Variants in MTA1 observed in about 807,000 individuals in gnomAD.
The protein encoded by MTA1 is metastasis associated 1, also known as metastasis-associated protein MTA1.
Under a neutral mutation model 97.0 loss-of-function variants are expected in MTA1, and 15 were observed. The observed-to-expected ratio is 0.15, with a 90% CI of 0.10 to 0.24. MTA1 has a LOEUF of 0.24. Ranked by LOEUF, MTA1 falls within the 10% of genes least tolerant of loss-of-function variation. MTA1 has a pLI of 1.00. For synonymous variants in MTA1, 435 were observed against 417.5 expected (o/e 1.04, Z -0.51); for missense variants, 709 against 1,015.1 (o/e 0.70, Z 4.10).
At chr14:105,450,468 C>T (rs1447627307) in intron 6 of MTA1, 144 bp downstream of exon 6, 19 of 922,508 alleles carry the variant, frequency 2.1e-5, no homozygotes, top group Admixed American at 2.9e-5. Flanking sequence ...GCGGGGATTG[C>T]GTCCTGACTG....
At chr14:105,466,344 C>T in intron 16 of MTA1, 82 bp from the exon 17 acceptor site, 1 of 1,300,350 alleles carries the variant, frequency 7.7e-7, no homozygotes, top group Non-Finnish European at 1.1e-6. Flanking sequence ...TATCCCGGAA[C>T]CATGAGGGCT....
At chr14:105,468,443 C>A (rs1350441084) in intron 18 of MTA1, 1 of 1,179,144 alleles carries the variant, frequency 8.5e-7, no homozygotes, top group Admixed American at 2.3e-5. Context: ...TTGGGAGCGC[C>A]GCAGATCAGG....
chr14:105,469,926 A>G lies in MTA1; in HGVS notation c.1931A>G (p.Lys644Arg), dbSNP rs782192896. ...LIRGGSLPPVKRRRMNWIDAP... is the reference protein window; with the variant it reads ...LIRGGSLPPVRRRRMNWIDAP... ...CGGGGGGGCTCCCTGCCCCCAGTCA[A>G]GCGGCGGCGGATGAACTGGATCGAC... The change falls in exon 20 of 21, where the codon AAG (lysine) becomes AGG (arginine). Residue 644 changes from lysine to arginine, a missense_variant. Lys to Arg is a conservative substitution (Grantham distance 26, BLOSUM62 2). Around this residue, in one of 2 missense-constraint regions of MTA1, gnomAD observed 388 missense variants for 421.6 expected, o/e 0.92. Transcript: ENST00000331320. 2.5e-6 allele frequency: 4 copies of G among 1,612,240 alleles called. No individual in the cohort carries two copies. The South Asian group carries it at 4.4e-5, about 18-fold the overall frequency.
Position 105,424,183 on chromosome 14 carries a change from A to G in MTA1, c.28+4120A>G, listed in dbSNP as rs1036996631. Among the ~76,000 whole-genome samples, 1 of 151,974 alleles carries G rather than the reference A, an allele frequency of 6.6e-6. No individual in the cohort carries two copies. Among genetic ancestry groups the G allele is most frequent in the Admixed American group, 6.6e-5 (1 of 15,258 alleles). The stretch of plus-strand genomic sequence containing the variant: ...GCTTCTCCTGCCTCAGCCACTGAGC[A>G]CTCCTGGCTTGCTCCACCTTTGTTT... On this transcript the variant is annotated intron_variant, in intron 1 of 20. Transcript: ENST00000331320. The surrounding 1 kb of genome is among the most constrained non-coding windows in gnomAD (Gnocchi z 4.0).
rs2081864244 is a variant in MTA1, at chr14:105,422,249, C to T, written c.28+2186C>T. 6.6e-6 allele frequency among the ~76,000 whole-genome samples: 1 copy of T among 152,140 alleles called. No individual in the cohort carries two copies. The highest frequency in any genetic ancestry group is 2.1e-4 in the South Asian group (1 of 4,818). ...GGCTTCTGGACCGGAACCCTGGGTT[C>T]CGGCAGGACCCCGGCAGAGCCCTGT... On this transcript the variant is annotated intron_variant, in intron 1 of 20. Transcript: ENST00000331320. This position sits in a 1 kb window ranked among gnomAD's most constrained non-coding sequence, Gnocchi z 4.3.
chr14:105,430,736 C>G (rs914227646), intron 1 of MTA1, among the ~76,000 whole-genome samples: 1 of 152,080 alleles, frequency 6.6e-6, no homozygotes, highest in Non-Finnish European at 1.5e-5. Flanking sequence ...CAAACTGGCC[C>G]GCTGCCTGTT....
At chr14:105,423,215 A>ATTTTTTTTTT (rs1166908446) in intron 1 of MTA1, among the ~76,000 whole-genome samples, 2 of 113,580 alleles carry the variant, frequency 1.8e-5, no homozygotes, top group African/African-American at 7.3e-5. Context: ...TTTTTGTTTA[A>ATTTTTTTTTT]TTTTTTTTTT....
At chr14:105,449,437 G>T (rs375504230) in intron 4 of MTA1, 28 bp downstream of exon 4, 19 of 1,606,440 alleles carry the variant, frequency 1.2e-5, no homozygotes, top group East Asian at 2.2e-5. Flanking sequence ...CAAGGAGGGC[G>T]TCCTCCTGTC....
chr14:105,441,618 C>T (rs912989828), intron 2 of MTA1, among the ~76,000 whole-genome samples: 2 of 152,130 alleles, frequency 1.3e-5, no homozygotes, highest in African/African-American at 2.4e-5. Context: ...TACGGTGAAA[C>T]TCCGTCTCTA....
At chr14:105,466,942 C>T in intron 18 of MTA1, 200 bp downstream of exon 18, 2 of 606,822 alleles carry the variant, frequency 3.3e-6, no homozygotes, top group African/African-American at 1.9e-5. Context: ...AGGCATCTGG[C>T]CCTCGGCCCC....
chr14:105,465,912 C>T (rs377203165), intron 16 of MTA1: 3 of 168,080 alleles, frequency 1.8e-5, no homozygotes, highest in African/African-American at 4.8e-5. Flanking sequence ...CTCTGAGATT[C>T]AAGTGGCTTT....
chr14:105,464,339 G>C (rs1595413742), intron 13 of MTA1, 77 bp from the exon 14 acceptor site: 2 of 1,574,296 alleles, frequency 1.3e-6, no homozygotes, highest in Admixed American at 1.7e-5. Context: ...GGCGGCCGGC[G>C]TGGGGGTGGC....
chr14:105,432,050 T>G (rs929448684), intron 1 of MTA1, among the ~76,000 whole-genome samples: 1 of 152,126 alleles, frequency 6.6e-6, no homozygotes, highest in Non-Finnish European at 1.5e-5. Flanking sequence ...TTTAAAGAGA[T>G]AGAGTCTTGC....
At chr14:105,469,049 G>A (rs1342806430) in intron 18 of MTA1, 1 of 412,700 alleles carries the variant, frequency 2.4e-6, no homozygotes, top group African/African-American at 2.1e-5. Flanking sequence ...TTAGGAAAAA[G>A]CCCGGCCTCC....
intron 1 of MTA1, among the ~76,000 whole-genome samples, chr14:105,432,529 G>A (rs1310660673): frequency 2.0e-5 from 3 of 152,182 alleles, no homozygotes; most frequent in Non-Finnish European, 2.9e-5. Flanking sequence ...GTGAGCCACC[G>A]TGTCTGGCCT....
rs782788912 is a variant in MTA1 at position 105,463,285 on chromosome 14, G to A, written c.1017+27G>A. 9 of 1,609,422 alleles carry A rather than the reference G, an allele frequency of 5.6e-6. No homozygotes were observed. Among genetic ancestry groups the A allele is most frequent in the African/African-American group, 4.0e-5 (3 of 74,674 alleles). On this transcript the variant is annotated intron_variant, in intron 11 of 20. Transcript: ENST00000331320. This position sits in a 1 kb window ranked among gnomAD's most constrained non-coding sequence, Gnocchi z 5.9. ...TGAGCCCGCCCGCCACTCAGTGCCC[G>A]GGGTGTGCCGCCTCCCCGTCCTGCG...
intron 18 of MTA1, chr14:105,468,230 C>T (rs181032552): frequency 2.1e-4 from 246 of 1,161,796 alleles, no homozygotes; most frequent in Non-Finnish European, 2.7e-4. Context: ...GCCATTTGCC[C>T]GTGCAGCCTG....
intron 6 of MTA1, among the ~76,000 whole-genome samples, chr14:105,452,805 G>GC (rs879981802): frequency 1.3e-5 from 2 of 152,248 alleles, no homozygotes; most frequent in Non-Finnish European, 2.9e-5. Context: ...CACACATGGA[G>GC]CAGGTGTCAT....
In MTA1 at chr14:105,469,556, G is replaced by T. The variant is rs1030548426; in HGVS notation, c.1845+58G>T. The T allele has an allele frequency of 2.5e-6, 4 of 1,588,306 alleles. No individual in the cohort carries two copies. In the African/African-American group the frequency reaches 5.4e-5, roughly 21 times the overall value. On this transcript the variant is annotated intron_variant, in intron 19 of 20. Transcript: ENST00000331320. ...CGCTCACCCATGAGCTCTCTGGGGT[G>T]TTGGGAAGAGGCCTGGCCAGCCCTG...
Sources: gnomAD v4.1 joint callset for allele counts (sites outside exome capture counted in the v4.1 genomes callset) on GRCh38, gnomAD v4.1.1 for gene constraint, gnomAD v4.1.1 regional missense constraint, Gnocchi (gnomAD v3.1) non-coding constraint, MANE v1.5 for transcripts, NCBI Gene and HGNC (gene_info 2026-07-23, HGNC 2026-07-21) for gene names.